STXBP5L: variants seen among roughly 807,000 people sequenced by gnomAD.
STXBP5L encodes the protein syntaxin binding protein 5L.
STXBP5L carries 65 observed loss-of-function variants against 144.5 expected under a neutral mutation model. That is an observed-to-expected ratio of 0.45 (90% CI 0.37 to 0.55). The LOEUF is 0.55. Ranked by LOEUF, STXBP5L falls within the 20% of genes least tolerant of loss-of-function variation. STXBP5L has a pLI of 0.00. For missense variants in STXBP5L, 1,298 were observed against 1,405.5 expected (o/e 0.92, Z 1.22); for synonymous variants, 505 against 469.6 (o/e 1.08, Z -0.97).
At chr3:121,029,774 T>A (rs1472703218) in intron 3 of STXBP5L, among the ~76,000 whole-genome samples, 4 of 151,742 alleles carry the variant, frequency 2.6e-5, no homozygotes, top group Non-Finnish European at 4.4e-5. Context: ...TTTTTTTGAA[T>A]CTATCCATCT....
chr3:120,973,270 A>G (rs1317820464), intron 3 of STXBP5L, among the ~76,000 whole-genome samples: 1 of 151,736 alleles, frequency 6.6e-6, no homozygotes, highest in Non-Finnish European at 1.5e-5. Flanking sequence ...TATTTTCTTG[A>G]TTTCTATTTC....
intron 11 of STXBP5L, among the ~76,000 whole-genome samples, chr3:121,231,102 A>G (rs1009996462): frequency 2.0e-5 from 3 of 152,064 alleles, no homozygotes; most frequent in Admixed American, 1.3e-4. Context: ...TGATTAGGGC[A>G]CTCCCATTTC....
Position 121,279,951 on chromosome 3 carries a change from T to A in STXBP5L, c.2105T>A (p.Ile702Asn). The A allele has an allele frequency of 6.2e-7, 1 of 1,611,502 alleles. No individual in the cohort carries two copies. Among genetic ancestry groups the A allele is most frequent in the South Asian group, 1.1e-5 (1 of 90,814 alleles). Residue 702 changes from isoleucine (I) to asparagine (N), a missense_variant, in exon 19 of 27, where the codon ATT becomes AAT. Transcript: ENST00000471454. ...TCTCCTCGAAAAAACAAACAGTTCA[T>A]TGCAGGTAGGAGATAAAACAAGATG... ...PRSPRKNKQFIAGLTELNDSP... is the reference protein window; with the variant it reads ...PRSPRKNKQFNAGLTELNDSP...
chr3:121,160,422 AAAT>A (rs2046279460), intron 9 of STXBP5L, among the ~76,000 whole-genome samples: 1 of 152,246 alleles, frequency 6.6e-6, no homozygotes. Flanking sequence ...CAAAAATTTA[AAAT>A]AATACAAATA....
At chr3:121,368,197 G>T in intron 20 of STXBP5L, among the ~76,000 whole-genome samples, 1 of 151,642 alleles carries the variant, frequency 6.6e-6, no homozygotes, top group East Asian at 1.9e-4. Context: ...TTTCAGACTT[G>T]ATAATATTCA....
chr3:120,970,529 G>A (rs974879587), intron 3 of STXBP5L, among the ~76,000 whole-genome samples: 1 of 152,012 alleles, frequency 6.6e-6, no homozygotes, highest in Non-Finnish European at 1.5e-5. Flanking sequence ...TTTCTGCTGA[G>A]AAATCTGCTG....
chr3:121,420,839 C>T lies in STXBP5L; in HGVS notation c.*1742C>T, dbSNP rs2047340114. On this transcript the variant is annotated 3_prime_UTR_variant, in exon 27 of 27. Transcript: ENST00000471454. ...TTTTGCTAGAAGTTGTACTTTCTAGCAAATGTTTCTAGTGGTACAATGTTC... is the reference window on the plus strand; with the variant it reads ...TTTTGCTAGAAGTTGTACTTTCTAGTAAATGTTTCTAGTGGTACAATGTTC... The T allele has an allele frequency of 6.6e-6, 1 of 151,978 alleles. No homozygotes were observed. The highest frequency in any genetic ancestry group is 2.4e-5 in the African/African-American group (1 of 41,374). The allele number at this position is 151,978 out of a possible 1,614,324, so 9.4% of individuals were successfully genotyped here. A position where few individuals can be genotyped will look rare whatever the true frequency, so the allele number is the denominator to read the frequency against.
At chr3:121,166,358 A>G (rs1472057843) in intron 9 of STXBP5L, among the ~76,000 whole-genome samples, 1 of 152,056 alleles carries the variant, frequency 6.6e-6, no homozygotes. Context: ...TCTGTACTGC[A>G]TTCTGGGTAA....
At chr3:121,254,614 C>T (rs903998905) in intron 15 of STXBP5L, among the ~76,000 whole-genome samples, 1 of 152,104 alleles carries the variant, frequency 6.6e-6, no homozygotes, top group Non-Finnish European at 1.5e-5. Flanking sequence ...GATAAAAATA[C>T]TTCCTTCATG....
At chr3:121,187,235 G>A (rs1463298270) in intron 9 of STXBP5L, among the ~76,000 whole-genome samples, 2 of 152,076 alleles carry the variant, frequency 1.3e-5, no homozygotes, top group East Asian at 1.9e-4. Context: ...AAAATGATGA[G>A]TTCATGTCCT....
chr3:121,346,384 C>T (rs1406879364), intron 20 of STXBP5L, among the ~76,000 whole-genome samples: 4 of 151,722 alleles, frequency 2.6e-5, no homozygotes, highest in Non-Finnish European at 5.9e-5. Context: ...CAAGTCTTTG[C>T]TATTATGAAT....
intron 22 of STXBP5L, among the ~76,000 whole-genome samples, chr3:121,401,444 C>T (rs538770534): frequency 2.1e-4 from 31 of 147,918 alleles, no homozygotes; most frequent in Non-Finnish European, 3.4e-4. Context: ...CACATGCACA[C>T]GTATGTTTAT....
intron 3 of STXBP5L, among the ~76,000 whole-genome samples, chr3:121,017,181 CAATT>C (rs1334588300): frequency 1.3e-5 from 2 of 152,078 alleles, no homozygotes; most frequent in Admixed American, 6.6e-5. Context: ...ACAGAAAAAA[CAATT>C]AAATGATTAT....
chr3:120,975,110 T>G (rs1381294970), intron 3 of STXBP5L, among the ~76,000 whole-genome samples: 18 of 152,218 alleles, frequency 1.2e-4, no homozygotes, highest in Non-Finnish European at 8.8e-5. Context: ...GGGGATGGCA[T>G]TGAATCTATA....
chr3:121,382,192 T>C lies in STXBP5L; in HGVS notation c.2587+660T>C, dbSNP rs149403889. ...AATTTTATTGTTTCCCTGTTTCCTA[T>C]ATAAGAAATTTTCAGATAGTTTTTA... On this transcript the variant is annotated intron_variant, in intron 22 of 26. Coordinates refer to ENST00000471454, the MANE Select transcript of STXBP5L (RefSeq NM_001308330.2). Among the ~76,000 whole-genome samples, 9 of 152,208 alleles carry C rather than the reference T, an allele frequency of 5.9e-5. No homozygotes were observed. The East Asian group carries it at 1.7e-3, about 29-fold the overall frequency.
intron 20 of STXBP5L, among the ~76,000 whole-genome samples, chr3:121,336,453 T>C (rs1407178362): frequency 1.3e-5 from 2 of 151,944 alleles, no homozygotes; most frequent in African/African-American, 2.4e-5. Flanking sequence ...ACCAAGATTG[T>C]GCCACTGCAC....
At chr3:121,317,428 A>G (rs904157715) in intron 19 of STXBP5L, among the ~76,000 whole-genome samples, 5 of 152,208 alleles carry the variant, frequency 3.3e-5, no homozygotes, top group African/African-American at 4.8e-5. Flanking sequence ...AGGTTGTCAC[A>G]AGGCACCTTT....
At chr3:120,976,438 C>T (rs915197313) in intron 3 of STXBP5L, among the ~76,000 whole-genome samples, 8 of 151,982 alleles carry the variant, frequency 5.3e-5, no homozygotes, top group South Asian at 2.1e-4. Flanking sequence ...TCTCTCTTTT[C>T]TTCTTTAGTA....
intron 20 of STXBP5L, among the ~76,000 whole-genome samples, chr3:121,374,089 A>G (rs1455466183): frequency 6.6e-6 from 1 of 152,126 alleles, no homozygotes; most frequent in African/African-American, 2.4e-5. Context: ...CCCCACCAAG[A>G]GGCCTGAGGA....
Sources: allele counts gnomAD v4.1 joint callset (sites outside exome capture counted in the v4.1 genomes callset), GRCh38; gene constraint gnomAD v4.1.1; transcripts MANE v1.5; gene names NCBI Gene and HGNC (gene_info 2026-07-23, HGNC 2026-07-21).